The following PVT1 variants were observed in gnomAD, a reference collection of about 807,000 sequenced individuals.
PVT1 encodes Pvt1 oncogene, also known as CXCR4/PVT1 fusion.
chr8:127,973,973 C>T (rs1586462579), intron 3 of PVT1, among the ~76,000 whole-genome samples: 1 of 145,748 alleles, frequency 6.9e-6, no homozygotes, highest in Non-Finnish European at 1.5e-5. Context: ...AGCGAGACTC[C>T]GTCTCAGAAA....
intron 3 of PVT1, among the ~76,000 whole-genome samples, chr8:127,894,638 A>G (rs1815651587): frequency 6.6e-6 from 1 of 152,240 alleles, no homozygotes; most frequent in Non-Finnish European, 1.5e-5. Context: ...AAAGGCAACA[A>G]TTGGTATGTG....
intron 3 of PVT1, among the ~76,000 whole-genome samples, chr8:127,919,668 A>T (rs1816033753): frequency 6.6e-6 from 1 of 152,148 alleles, no homozygotes; most frequent in Admixed American, 6.5e-5. Context: ...TGCCTGGAAG[A>T]GCTGCCTGGC....
chr8:127,835,493 G>A (rs1814899750), intron 2 of PVT1, among the ~76,000 whole-genome samples: 1 of 152,140 alleles, frequency 6.6e-6, no homozygotes, highest in Non-Finnish European at 1.5e-5. Context: ...AATACCCAGT[G>A]CATGCGGGGC....
rs1280585386 is a variant in PVT1 at position 127,807,773 on chromosome 8, C to CT, written n.372+11713dup. Among the ~76,000 whole-genome samples, 544 of 147,488 alleles carry CT rather than the reference C, an allele frequency of 3.7e-3. 2 individuals are homozygous for CT. Among genetic ancestry groups the CT allele is most frequent in the African/African-American group, 0.012 (490 of 40,498 alleles). On this transcript the variant is annotated intron_variant and non_coding_transcript_variant, in intron 2 of 10. Coordinates refer to ENST00000651587, the Ensembl canonical transcript of PVT1. Reference sequence around the variant, plus strand: ...AGGTTCTTTGAATTTTTCTTTTTTTCTTTTTTTTTTTGAGACGGAGTCTCG... The same window carrying CT: ...AGGTTCTTTGAATTTTTCTTTTTTTCTTTTTTTTTTTTGAGACGGAGTCTCG...
chr8:128,079,333 C>A (rs558941477), intron 5 of PVT1, among the ~76,000 whole-genome samples: 1 of 152,300 alleles, frequency 6.6e-6, no homozygotes, highest in East Asian at 1.9e-4. Context: ...TGTAGGCTTA[C>A]AAAAATATTG....
intron 4 of PVT1, among the ~76,000 whole-genome samples, chr8:128,004,463 C>T (rs563163355): frequency 1.3e-5 from 2 of 152,312 alleles, no homozygotes; most frequent in East Asian, 3.9e-4. Flanking sequence ...TCACTTCCCT[C>T]TCTGCCGAGA....
At chr8:127,975,485 T>A (rs1816813961) in intron 3 of PVT1, among the ~76,000 whole-genome samples, 1 of 152,242 alleles carries the variant, frequency 6.6e-6, no homozygotes, top group Non-Finnish European at 1.5e-5. Context: ...AGTTCGTTAC[T>A]TTCCATGTGG....
intron 4 of PVT1, among the ~76,000 whole-genome samples, chr8:128,069,288 CTT>C (rs1813952304): frequency 6.6e-6 from 1 of 152,110 alleles, no homozygotes; most frequent in Non-Finnish European, 1.5e-5. Flanking sequence ...CATCTCTTCT[CTT>C]TTTTTATAGC....
chr8:128,100,247 A>G (rs1358640219), intron 6 of PVT1, among the ~76,000 whole-genome samples: 2 of 151,544 alleles, frequency 1.3e-5, no homozygotes. Flanking sequence ...GCACTCATTT[A>G]AATATCATGT....
At chr8:128,043,597 C>A (rs1813571758) in intron 4 of PVT1, among the ~76,000 whole-genome samples, 1 of 152,160 alleles carries the variant, frequency 6.6e-6, no homozygotes, top group Admixed American at 6.5e-5. Flanking sequence ...CCTCCACCTG[C>A]TGTCTCTGGC....
At chr8:127,895,388 T>G (rs1815662621) in intron 3 of PVT1, among the ~76,000 whole-genome samples, 1 of 152,098 alleles carries the variant, frequency 6.6e-6, no homozygotes, top group African/African-American at 2.4e-5. Context: ...GGAGAATCAT[T>G]TGAATCTGGG....
intron 4 of PVT1, among the ~76,000 whole-genome samples, chr8:127,992,134 C>T (rs1316192107): frequency 1.3e-5 from 2 of 151,876 alleles, no homozygotes; most frequent in Non-Finnish European, 2.9e-5. Flanking sequence ...GCCTGTAATT[C>T]CAGCATTTTG....
rs1815715008 is a variant in PVT1 at position 127,898,464 on chromosome 8, C to T, written n.782+7466C>T. Among the ~76,000 whole-genome samples the T allele has an allele frequency of 6.6e-6, 1 of 152,178 alleles. No individual in the cohort carries two copies. Among genetic ancestry groups the T allele is most frequent in the Non-Finnish European group, 1.5e-5 (1 of 68,024 alleles). ...GCCTCAAGATACATTCTGTTTCTGG[C>T]TCAGGGAACCTTCAGGGAAAAGGCT... is the stretch of plus-strand genomic sequence containing the variant. On this transcript the variant is annotated intron_variant and non_coding_transcript_variant, in intron 3 of 10. Transcript: ENST00000651587. The surrounding 1 kb of genome is among the most constrained non-coding windows in gnomAD (Gnocchi z 4.4).
intron 5 of PVT1, among the ~76,000 whole-genome samples, chr8:128,075,328 ATTC>A (rs2130142055): frequency 6.6e-6 from 1 of 152,268 alleles, no homozygotes; most frequent in East Asian, 1.9e-4. Context: ...GTTAGAACAT[ATTC>A]TTGTGGTCAG....
At chr8:127,988,990 A>G (rs1013223583) in intron 3 of PVT1, among the ~76,000 whole-genome samples, 1 of 152,214 alleles carries the variant, frequency 6.6e-6, no homozygotes, top group Non-Finnish European at 1.5e-5. Flanking sequence ...AATGCCTAAC[A>G]CAGTGCTTGC....
intron 4 of PVT1, among the ~76,000 whole-genome samples, chr8:128,011,577 T>TAAG (rs1817315311): frequency 6.6e-6 from 1 of 152,180 alleles, no homozygotes; most frequent in East Asian, 1.9e-4. Flanking sequence ...TTCAGAACTG[T>TAAG]AAGAAAATGA....
intron 2 of PVT1, among the ~76,000 whole-genome samples, chr8:127,881,882 C>G (rs1815471372): frequency 6.6e-6 from 1 of 152,124 alleles, no homozygotes; most frequent in African/African-American, 2.4e-5. Context: ...GCTGGGACTA[C>G]AGGTGCGCCA....
chr8:128,098,632 C>T (rs1393592875), intron 6 of PVT1, among the ~76,000 whole-genome samples: 1 of 152,210 alleles, frequency 6.6e-6, no homozygotes, highest in Non-Finnish European at 1.5e-5. Context: ...AAGATGATAA[C>T]TACCTGGCAG....
At chr8:127,804,607 C>T (rs1291775663) in intron 2 of PVT1, among the ~76,000 whole-genome samples, 1 of 140,544 alleles carries the variant, frequency 7.1e-6, no homozygotes, top group African/African-American at 2.7e-5. Context: ...GTGGCACAAT[C>T]TCAGCTCACT....
Sources: gnomAD v4.1 joint callset for allele counts (sites outside exome capture counted in the v4.1 genomes callset) on GRCh38, gnomAD v4.1.1 for gene constraint, Gnocchi (gnomAD v3.1) non-coding constraint, MANE v1.5 for transcripts, NCBI Gene and HGNC (gene_info 2026-07-23, HGNC 2026-07-21) for gene names.